STPG2: variants seen among roughly 807,000 people sequenced by gnomAD.
The protein encoded by STPG2 is sperm-tail PG-rich repeat-containing protein 2.
In STPG2, 56 loss-of-function variants were observed where a neutral mutation model predicts 54.2. The observed-to-expected ratio is 1.03, with a 90% CI of 0.83 to 1.29. The LOEUF (loss-of-function observed/expected upper bound fraction) is 1.29, where lower values mean the gene tolerates loss of function less well. Among genes scored for constraint, STPG2 ranks in the 50% most tolerant of loss-of-function variants. The probability of loss-of-function intolerance (pLI) is 0.00; values close to 1 mark genes in which losing one functional copy is unlikely to be tolerated. For missense variants in STPG2, 596 were observed against 544.9 expected (o/e 1.09, Z -0.93); for synonymous variants, 200 against 181.8 (o/e 1.10, Z -0.81).
Position 97,980,822 on chromosome 4 carries a change from A to G in STPG2, c.772+337T>C, listed in dbSNP as rs147025821. ...GAAATAAAAAAGTTTAACAAAACTG[A>G]ACATCATAAATTATATTACTAATGG... On this transcript the variant is annotated intron_variant, in intron 6 of 10. Transcript: ENST00000295268. Among the ~76,000 whole-genome samples, 436 of 152,330 alleles carry G rather than the reference A, an allele frequency of 2.9e-3. 3 individuals carry two copies. Among genetic ancestry groups the G allele is most frequent in the African/African-American group, 9.9e-3 (411 of 41,570 alleles).
At chr4:97,632,246 G>T in intron 10 of STPG2, among the ~76,000 whole-genome samples, 1 of 148,184 alleles carries the variant, frequency 6.7e-6, no homozygotes, top group African/African-American at 2.5e-5. Flanking sequence ...TTGTTTTTAG[G>T]TTTACTAAAA....
At chr4:97,668,805 G>A (rs1433100495) in intron 10 of STPG2, among the ~76,000 whole-genome samples, 1 of 152,076 alleles carries the variant, frequency 6.6e-6, no homozygotes, top group African/African-American at 2.4e-5. Flanking sequence ...TACATTATCA[G>A]CGGGTCATTC....
chr4:97,830,734 G>A (rs1221501665), intron 9 of STPG2, among the ~76,000 whole-genome samples: 2 of 152,106 alleles, frequency 1.3e-5, no homozygotes, highest in South Asian at 2.1e-4. Context: ...CCTAGTCTCT[G>A]ATAAAACAGA....
At chr4:97,645,493 G>C (rs936335955) in intron 10 of STPG2, among the ~76,000 whole-genome samples, 2 of 152,114 alleles carry the variant, frequency 1.3e-5, no homozygotes, top group African/African-American at 4.8e-5. Context: ...ACTGTATCCA[G>C]AATCTTAGAC....
At chr4:97,613,531 T>C (rs549717689) in intron 10 of STPG2, among the ~76,000 whole-genome samples, 2 of 151,138 alleles carry the variant, frequency 1.3e-5, no homozygotes, top group Non-Finnish European at 3.0e-5. Context: ...TGCACGTGCG[T>C]GTGTGTGTAT....
At chr4:97,665,547 G>A (rs1242784904) in intron 10 of STPG2, among the ~76,000 whole-genome samples, 1 of 152,104 alleles carries the variant, frequency 6.6e-6, no homozygotes. Flanking sequence ...GGAATTACAT[G>A]CTATCAGTCC....
intron 8 of STPG2, among the ~76,000 whole-genome samples, chr4:97,920,015 T>G (rs1358957511): frequency 1.3e-5 from 2 of 152,304 alleles, no homozygotes; most frequent in Non-Finnish European, 2.9e-5. Flanking sequence ...AATGGACTCA[T>G]GTCCATAGAA....
intron 4 of STPG2, among the ~76,000 whole-genome samples, chr4:97,520,882 G>GT (rs1473211274): frequency 2.0e-5 from 3 of 151,802 alleles, no homozygotes; most frequent in African/African-American, 4.8e-5. Context: ...GAGTTTGGGG[G>GT]TTTTTTTGGT....
chr4:97,871,098 T>C (rs1309425311), intron 8 of STPG2, among the ~76,000 whole-genome samples: 1 of 151,038 alleles, frequency 6.6e-6, no homozygotes, highest in African/African-American at 2.4e-5. Flanking sequence ...ATTCAAATTA[T>C]AGAATTTCTG....
chr4:97,875,881 T>C (rs1018617234), intron 8 of STPG2, among the ~76,000 whole-genome samples: 6 of 152,040 alleles, frequency 3.9e-5, no homozygotes, highest in African/African-American at 1.2e-4. Flanking sequence ...CAAAATGTTA[T>C]TAAAGTGTTT....
At chr4:97,765,519 A>G (rs80046206) in intron 9 of STPG2, among the ~76,000 whole-genome samples, 1,927 of 152,232 alleles carry the variant, frequency 0.013, 33 homozygotes, top group African/African-American at 0.044. Flanking sequence ...CTTCCTCAAC[A>G]AATTTTGCAC....
At chr4:97,456,289 G>A (rs1729516028) in intron 4 of STPG2, among the ~76,000 whole-genome samples, 1 of 152,100 alleles carries the variant, frequency 6.6e-6, no homozygotes, top group South Asian at 2.1e-4. Context: ...GGAAAGCAAA[G>A]GGGAAGCAAG....
At chr4:97,792,137 G>A (rs183951469) in intron 9 of STPG2, among the ~76,000 whole-genome samples, 1 of 152,152 alleles carries the variant, frequency 6.6e-6, no homozygotes, top group Admixed American at 6.5e-5. Flanking sequence ...TAAATAGAGT[G>A]ATAAAGCCAG....
chr4:97,944,087 T>C, intron 7 of STPG2, 80 bp from the exon 8 acceptor site: 1 of 925,338 alleles, frequency 1.1e-6, no homozygotes, highest in Non-Finnish European at 1.7e-6. Flanking sequence ...AAGTTTGCAA[T>C]GAAGTTCATC....
At chr4:97,921,824 T>C (rs759025157) in intron 8 of STPG2, among the ~76,000 whole-genome samples, 4 of 152,114 alleles carry the variant, frequency 2.6e-5, no homozygotes, top group African/African-American at 4.8e-5. Flanking sequence ...ATATATACAA[T>C]GTAATATTAT....
chr4:98,077,225 T>TTTGTTG (rs56140336), intron 5 of STPG2, among the ~76,000 whole-genome samples: 14,624 of 148,600 alleles, frequency 0.098, 786 homozygotes, highest in Middle Eastern at 0.14. Context: ...CCTCAATAGT[T>TTTGTTG]TTGTTGTTGT....
rs574761687 is a variant in STPG2, at chr4:97,625,351, C to A, written c.1321-66234G>T. On this transcript the variant is annotated intron_variant, in intron 10 of 10. Coordinates refer to ENST00000295268, the MANE Select transcript of STPG2 (RefSeq NM_174952.3). ...GGCCTCTTCCAATCTCTCTCTGTTGCCCAGGCTGGAGTGCAGTGGCACAAT... is the reference window on the plus strand; with the variant it reads ...GGCCTCTTCCAATCTCTCTCTGTTGACCAGGCTGGAGTGCAGTGGCACAAT... Among the ~76,000 whole-genome samples the A allele has an allele frequency of 8.5e-5, 13 of 152,296 alleles. No homozygotes were observed. In the South Asian group the frequency reaches 2.7e-3, roughly 32 times the overall value.
chr4:98,070,787 C>A (rs1391817128), intron 5 of STPG2, among the ~76,000 whole-genome samples: 1 of 151,818 alleles, frequency 6.6e-6, no homozygotes, highest in African/African-American at 2.4e-5. Context: ...GAATAAAATA[C>A]CTAGGAATAC....
At chr4:97,893,808 G>C (rs1331642534) in intron 8 of STPG2, among the ~76,000 whole-genome samples, 2 of 151,936 alleles carry the variant, frequency 1.3e-5, no homozygotes, top group Non-Finnish European at 2.9e-5. Context: ...TAAGAAGAAA[G>C]GAAAGAATGG....
Sources: allele counts gnomAD v4.1 joint callset (sites outside exome capture counted in the v4.1 genomes callset), GRCh38; gene constraint gnomAD v4.1.1; transcripts MANE v1.5; gene names NCBI Gene and HGNC (gene_info 2026-07-23, HGNC 2026-07-21).